Variants in TDRP observed in about 807,000 individuals in gnomAD.
The protein encoded by TDRP is testis development related protein.
TDRP carries 12 observed loss-of-function variants against 10.5 expected under a neutral mutation model. The observed-to-expected ratio is 1.15, with a 90% CI of 0.73 to 1.86. TDRP has a LOEUF of 1.86. Ranked by LOEUF, TDRP falls within the 40% of genes most tolerant of loss-of-function variation. TDRP has a pLI of 0.00. For synonymous variants in TDRP, 139 were observed against 95.4 expected (o/e 1.46, Z -2.67); for missense variants, 353 against 229.2 (o/e 1.54, Z -3.49).
chr8:530,054 T>A (rs942522956), intron 1 of TDRP, among the ~76,000 whole-genome samples: 1 of 146,378 alleles, frequency 6.8e-6, no homozygotes, highest in Non-Finnish European at 1.5e-5. Context: ...AGGCTTTACT[T>A]TTCATTTTTT....
Position 544,786 on chromosome 8 carries a change from C to T in TDRP, c.-29G>A. 8.2e-7 allele frequency: 1 copy of T among 1,224,054 alleles called. No homozygotes were observed. The highest frequency in any genetic ancestry group is 1.0e-6 in the Non-Finnish European group (1 of 980,046). 75.8% of individuals were successfully genotyped at this position (1,224,054 alleles called of 1,614,324 possible). ...CAGGCGGGCTCCGGCGTCCCTCCGT[C>T]CGTGCGTCGGGCTGTGGCTCCGCGT... On this transcript the variant is annotated 5_prime_UTR_variant, in exon 1 of 3. Coordinates refer to ENST00000324079, the MANE Select transcript of TDRP (RefSeq NM_001384899.1).
intron 1 of TDRP, among the ~76,000 whole-genome samples, chr8:523,570 G>A (rs1279141078): frequency 6.6e-6 from 1 of 152,168 alleles, no homozygotes; most frequent in Non-Finnish European, 1.5e-5. Flanking sequence ...GGAACCCACT[G>A]CCCTGAAGGA....
intron 1 of TDRP, among the ~76,000 whole-genome samples, chr8:521,030 C>T (rs1277143540): frequency 6.6e-6 from 1 of 152,006 alleles, no homozygotes; most frequent in Admixed American, 6.6e-5. Context: ...AACCTTTTCT[C>T]CCGTTTTCTT....
At chr8:543,082 C>T (rs1028566203) in intron 1 of TDRP, among the ~76,000 whole-genome samples, 2 of 152,062 alleles carry the variant, frequency 1.3e-5, no homozygotes, top group East Asian at 1.9e-4. Context: ...CTGAGGCGGG[C>T]GGATCACGTG....
At chr8:525,116 G>A (rs1036579489) in intron 1 of TDRP, among the ~76,000 whole-genome samples, 1 of 152,188 alleles carries the variant, frequency 6.6e-6, no homozygotes, top group Non-Finnish European at 1.5e-5. Flanking sequence ...AGGTCTGGCA[G>A]CAGGCTTTTC....
At chr8:534,077 T>G (rs1370247532) in intron 1 of TDRP, among the ~76,000 whole-genome samples, 2 of 152,186 alleles carry the variant, frequency 1.3e-5, no homozygotes, top group Non-Finnish European at 2.9e-5. Context: ...AAAAATGGTA[T>G]CAGAAATTTG....
Position 492,362 on chromosome 8 carries a change from G to A in TDRP, c.*37C>T, listed in dbSNP as rs1801001907. 1.0e-5 allele frequency: 15 copies of A among 1,456,370 alleles called. No homozygotes were observed. Among genetic ancestry groups the A allele is most frequent in the South Asian group, 1.5e-5 (1 of 66,000 alleles). 90.2% of individuals were successfully genotyped at this position (1,456,370 alleles called of 1,614,324 possible). The stretch of plus-strand genomic sequence containing the variant: ...CAACTACATGGTATACTCATAAAAG[G>A]CCACCATGTCGGGGCACACTTGCCA... On this transcript the variant is annotated 3_prime_UTR_variant, in exon 3 of 3. Transcript: ENST00000324079.
intron 1 of TDRP, among the ~76,000 whole-genome samples, chr8:543,151 G>A (rs1231097368): frequency 2.0e-5 from 3 of 151,966 alleles, no homozygotes; most frequent in Admixed American, 1.3e-4. Context: ...CCACAAAAAC[G>A]GTTTTTTAAA....
chr8:537,252 G>A (rs1025618644), intron 1 of TDRP, among the ~76,000 whole-genome samples: 13 of 152,156 alleles, frequency 8.5e-5, no homozygotes, highest in Middle Eastern at 3.2e-3. Context: ...GGATGAAATG[G>A]TCCTCCAGAG....
intron 1 of TDRP, among the ~76,000 whole-genome samples, chr8:530,630 T>C (rs1435323751): frequency 6.6e-6 from 1 of 152,116 alleles, no homozygotes; most frequent in Non-Finnish European, 1.5e-5. Flanking sequence ...TTTCAGTTGC[T>C]TGTAATCTCT....
At chr8:494,731 G>C (rs1436504525) in intron 1 of TDRP, 134 bp from the exon 2 acceptor site, 8 of 723,812 alleles carry the variant, frequency 1.1e-5, no homozygotes, top group Non-Finnish European at 1.8e-5. Context: ...TTCCATACCT[G>C]TGCGCACATA....
intron 1 of TDRP, among the ~76,000 whole-genome samples, chr8:504,797 G>C (rs999141512): frequency 5.3e-5 from 8 of 152,152 alleles, no homozygotes; most frequent in African/African-American, 1.4e-4. Context: ...AACAGTCATC[G>C]AGACAAATGA....
intron 1 of TDRP, 136 bp downstream of exon 1, chr8:544,514 T>G: frequency 2.0e-6 from 1 of 505,900 alleles, no homozygotes; most frequent in Non-Finnish European, 3.1e-6. Context: ...GCCCCGGAGC[T>G]ACGCGGCCCC....
intron 1 of TDRP, among the ~76,000 whole-genome samples, chr8:523,984 G>T (rs1309353819): frequency 2.0e-5 from 3 of 152,170 alleles, no homozygotes; most frequent in Non-Finnish European, 2.9e-5. Flanking sequence ...GTTATAGCAG[G>T]GCCTTGAGCG....
Position 529,339 on chromosome 8 carries a change from A to G in TDRP, c.108+15311T>C, listed in dbSNP as rs76659446. Among the ~76,000 whole-genome samples the G allele has an allele frequency of 5.6e-3, 854 of 152,352 alleles. 48 individuals are homozygous for G. The East Asian group carries it at 0.15, about 27-fold the overall frequency. On this transcript the variant is annotated intron_variant, in intron 1 of 2. Coordinates refer to ENST00000324079, the MANE Select transcript of TDRP (RefSeq NM_001384899.1). Reference sequence around the variant, plus strand: ...AATCGAGTATTTTATATTTTTATCTATTAACATAGTTTTAGTTATTTTTAT... The same window carrying G: ...AATCGAGTATTTTATATTTTTATCTGTTAACATAGTTTTAGTTATTTTTAT...
chr8:513,011 T>C lies in TDRP; in HGVS notation c.109-18414A>G, dbSNP rs375716750. Among the ~76,000 whole-genome samples the C allele has an allele frequency of 8.5e-4, 128 of 149,738 alleles. 1 individual carries two copies. The highest frequency in any genetic ancestry group is 3.0e-3 in the African/African-American group (122 of 40,734). On this transcript the variant is annotated intron_variant, in intron 1 of 2. Coordinates refer to ENST00000324079, the MANE Select transcript of TDRP (RefSeq NM_001384899.1). The stretch of plus-strand genomic sequence containing the variant: ...CAAGGTGGAGAAATTGAATTAGTAA[T>C]CAAAAGGCTACCCAAAAAGAAAAGC...
chr8:517,420 A>C (rs911930876), intron 1 of TDRP, among the ~76,000 whole-genome samples: 5 of 152,150 alleles, frequency 3.3e-5, no homozygotes, highest in African/African-American at 1.2e-4. Context: ...CTGCTAAGAG[A>C]CATTTACCAT....
intron 1 of TDRP, among the ~76,000 whole-genome samples, chr8:521,061 G>T (rs1365522939): frequency 2.6e-5 from 4 of 151,890 alleles, no homozygotes; most frequent in Non-Finnish European, 4.4e-5. Context: ...TATAATTTCT[G>T]ATTTAGGTCT....
At chr8:529,663 T>A (rs1210096558) in intron 1 of TDRP, among the ~76,000 whole-genome samples, 1 of 152,228 alleles carries the variant, frequency 6.6e-6, no homozygotes, top group Non-Finnish European at 1.5e-5. Flanking sequence ...GGTGTATTTT[T>A]ATTTTTAACA....
Sources: gnomAD v4.1 joint callset for allele counts (sites outside exome capture counted in the v4.1 genomes callset) on GRCh38, gnomAD v4.1.1 for gene constraint, MANE v1.5 for transcripts, NCBI Gene and HGNC (gene_info 2026-07-23, HGNC 2026-07-21) for gene names.